The following LRRK1 variants were observed in gnomAD, a reference collection of about 807,000 sequenced individuals.
The protein encoded by LRRK1 is leucine-rich repeat serine/threonine-protein kinase 1.
A neutral mutation model predicts 209.1 loss-of-function variants in LRRK1; 113 were observed. The observed-to-expected ratio is 0.54, with a 90% CI of 0.46 to 0.63. LRRK1 has a LOEUF of 0.63. Among genes scored for constraint, LRRK1 ranks in the 30% least tolerant of loss-of-function variants. LRRK1 has a pLI of 0.00. For missense variants in LRRK1, 2,284 were observed against 2,632.2 expected, an observed-to-expected ratio of 0.87 and a Z score of 2.89; for synonymous variants, 1,144 against 1,099.7, an observed-to-expected ratio of 1.04 and a Z score of -0.80.
intron 1 of LRRK1, chr15:100,920,193 A>T (rs75548036): frequency 1.3e-5 from 2 of 152,634 alleles, no homozygotes; most frequent in East Asian, 1.9e-4. Context: ...GGCCATCTCA[A>T]CCTACCCCTT....
At chr15:101,047,695 G>T (rs952781033) in intron 21 of LRRK1, among the ~76,000 whole-genome samples, 1 of 150,234 alleles carries the variant, frequency 6.7e-6, no homozygotes, top group Admixed American at 6.6e-5. Flanking sequence ...CCCAGCCCGG[G>T]GCACGGAGCG....
At chr15:101,006,344 T>C (rs1001269845) in intron 6 of LRRK1, among the ~76,000 whole-genome samples, 1 of 145,620 alleles carries the variant, frequency 6.9e-6, no homozygotes, top group African/African-American at 2.6e-5. Context: ...GGCTAAAAGT[T>C]GCAGGACTTA....
chr15:100,964,184 G>T (rs2030298038), intron 2 of LRRK1, among the ~76,000 whole-genome samples: 1 of 152,090 alleles, frequency 6.6e-6, no homozygotes, highest in African/African-American at 2.4e-5. Flanking sequence ...GGGTGCAATG[G>T]CCCTGAGCAC....
intron 2 of LRRK1, among the ~76,000 whole-genome samples, chr15:100,970,890 T>C (rs1466429606): frequency 6.6e-6 from 1 of 152,242 alleles, no homozygotes; most frequent in Non-Finnish European, 1.5e-5. Flanking sequence ...GTACAGATCT[T>C]GCCCATCTTT....
intron 2 of LRRK1, among the ~76,000 whole-genome samples, chr15:100,925,579 A>G (rs556822932): frequency 6.6e-6 from 1 of 152,320 alleles, no homozygotes; most frequent in South Asian, 2.1e-4. Context: ...GAACATCGTT[A>G]AGCTCTTGGC....
chr15:100,992,454 T>C (rs1003521656), intron 6 of LRRK1, among the ~76,000 whole-genome samples: 5 of 152,260 alleles, frequency 3.3e-5, no homozygotes, highest in Admixed American at 1.3e-4. Context: ...ATACTTATAT[T>C]ACTCTTTTCA....
Position 101,057,611 on chromosome 15 carries a change from G to A in LRRK1, c.4528-379G>A, listed in dbSNP as rs1372237556. 2.0e-5 allele frequency among the ~76,000 whole-genome samples: 3 copies of A among 152,230 alleles called. No homozygotes were observed. The East Asian group carries it at 5.8e-4, about 29-fold the overall frequency. On this transcript the variant is annotated intron_variant, in intron 28 of 33. Coordinates refer to ENST00000388948, the MANE Select transcript of LRRK1 (RefSeq NM_024652.6). ...GACTTATAGTCCCAGCCACTGGGGA[G>A]GCTGAGGCAGGAGGATCACTTGAGC...
intron 6 of LRRK1, among the ~76,000 whole-genome samples, chr15:100,996,382 C>T (rs78735983): frequency 0.023 from 3,478 of 152,348 alleles, 129 homozygotes; most frequent in African/African-American, 0.08. Context: ...TGGACCCTGA[C>T]TCCTCTTGGC....
intron 32 of LRRK1, 122 bp downstream of exon 32, chr15:101,066,327 C>T: frequency 1.5e-6 from 2 of 1,346,730 alleles, no homozygotes; most frequent in Non-Finnish European, 2.0e-6. Context: ...TGCTGTTCTT[C>T]CAAGAGGGTT....
At chr15:101,045,464 A>G (rs8037111) in intron 20 of LRRK1, among the ~76,000 whole-genome samples, 57,553 of 152,160 alleles carry the variant, frequency 0.38, 11,439 homozygotes, top group South Asian at 0.45. Context: ...TTCCGCACAA[A>G]ACAGGCCTAT....
At chr15:100,989,692 G>A (rs2032054220) in intron 6 of LRRK1, 1 of 541,286 alleles carries the variant, frequency 1.8e-6, no homozygotes, top group Non-Finnish European at 3.3e-6. Flanking sequence ...TTATGAGGGT[G>A]GGGCCTTCTT....
chr15:100,935,728 C>G (rs1054321105), intron 2 of LRRK1, among the ~76,000 whole-genome samples: 1 of 152,108 alleles, frequency 6.6e-6, no homozygotes, highest in African/African-American at 2.4e-5. Flanking sequence ...AACAAACCAC[C>G]CTATCACTTG....
At chr15:101,049,939 C>A (rs1056242354) in intron 23 of LRRK1, among the ~76,000 whole-genome samples, 156 bp downstream of exon 23, 5 of 152,114 alleles carry the variant, frequency 3.3e-5, no homozygotes, top group African/African-American at 7.2e-5. Flanking sequence ...GTCCTGGCCC[C>A]CGAGAAGTCC....
chr15:100,972,353 AGAGAGAGAGAGTGTGT>A (rs1339021771), intron 2 of LRRK1, among the ~76,000 whole-genome samples: 4 of 133,944 alleles, frequency 3.0e-5, no homozygotes, highest in South Asian at 2.5e-4. Flanking sequence ...AGAGAGAGAG[AGAGAGAGAGAGTGTGT>A]GTGTGTGTGT....
intron 6 of LRRK1, among the ~76,000 whole-genome samples, chr15:100,993,159 T>C (rs2032238128): frequency 6.6e-6 from 1 of 152,172 alleles, no homozygotes; most frequent in Non-Finnish European, 1.5e-5. Context: ...ATTTGTGACA[T>C]CCTAATAGCA....
At chr15:100,931,862 A>G (rs2042218493) in intron 2 of LRRK1, among the ~76,000 whole-genome samples, 1 of 152,210 alleles carries the variant, frequency 6.6e-6, no homozygotes. Flanking sequence ...GAAAAAAGTT[A>G]TTTATATGGA....
intron 2 of LRRK1, among the ~76,000 whole-genome samples, chr15:100,948,281 G>A (rs557373759): frequency 1.3e-5 from 2 of 152,198 alleles, no homozygotes; most frequent in Non-Finnish European, 2.9e-5. Flanking sequence ...CACCAGGAAG[G>A]TGCACTTGGA....
intron 7 of LRRK1, among the ~76,000 whole-genome samples, chr15:101,009,884 C>T (rs1793012180): frequency 1.3e-5 from 2 of 152,204 alleles, no homozygotes; most frequent in Middle Eastern, 3.2e-3. Flanking sequence ...CCGCACCTGG[C>T]CTGATTTCTT....
chr15:101,074,833 CAGGCCAAGGA>C lies in LRRK1; in HGVS notation c.*5987_*5996del, dbSNP rs1375566519. ...CTACAAGTGCCAGAAATCTGGCCAC[CAGGCCAAGGA>C]ATGCCTGCAGCCCAGGATTCCTCCT... On this transcript the variant is annotated 3_prime_UTR_variant, in exon 34 of 34. Transcript: ENST00000388948. 6.6e-6 allele frequency: 1 copy of C among 152,042 alleles called. No homozygotes were observed. Among genetic ancestry groups the C allele is most frequent in the East Asian group, 1.9e-4 (1 of 5,164 alleles). The allele number at this position is 152,042 out of a possible 1,614,324, so 9.4% of individuals were successfully genotyped here. A position where few individuals can be genotyped will look rare whatever the true frequency, so the allele number is the denominator to read the frequency against.
Sources: gnomAD v4.1 joint callset for allele counts (sites outside exome capture counted in the v4.1 genomes callset) on GRCh38, gnomAD v4.1.1 for gene constraint, MANE v1.5 for transcripts, NCBI Gene and HGNC (gene_info 2026-07-23, HGNC 2026-07-21) for gene names.